DCC: variants seen among roughly 807,000 people sequenced by gnomAD.
DCC encodes netrin receptor DCC.
DCC carries 58 observed loss-of-function variants against 172.5 expected under a neutral mutation model. The observed-to-expected ratio is 0.34, with a 90% CI of 0.27 to 0.42. The LOEUF (loss-of-function observed/expected upper bound fraction) is 0.42. DCC is among the 10% of genes least tolerant of loss of function. The pLI is 1.00. For synonymous variants in DCC, 709 were observed against 644.5 expected, an observed-to-expected ratio of 1.10 and a Z score of -1.52; for missense variants, 1,740 against 1,791.0, an observed-to-expected ratio of 0.97 and a Z score of 0.51.
chr18:52,899,973 T>C (rs184123983), intron 2 of DCC, among the ~76,000 whole-genome samples: 1 of 152,338 alleles, frequency 6.6e-6, no homozygotes, highest in African/African-American at 2.4e-5. Flanking sequence ...GCTTACAGTA[T>C]AGAATAACAT....
In DCC at chr18:53,213,647, C is replaced by CAAAA. The variant is rs34284373; in HGVS notation, c.1862-1877_1862-1874dup. ...TGGGTGACAGAGCGAGACTCCGTCT[C>CAAAA]AAAAAAAAAAAAAAAAAAAAAAAAA... On this transcript the variant is annotated intron_variant, in intron 11 of 28. Transcript: ENST00000442544. 1.1e-3 allele frequency among the ~76,000 whole-genome samples: 38 copies of CAAAA among 35,366 alleles called. 6 individuals carry two copies. Among genetic ancestry groups the CAAAA allele is most frequent in the African/African-American group, 1.7e-3 (29 of 16,662 alleles). The allele number at this position is 35,366 out of a possible 152,430, so 23.2% of individuals were successfully genotyped here.
intron 9 of DCC, among the ~76,000 whole-genome samples, chr18:53,196,721 A>G (rs1193212595): frequency 1.3e-5 from 2 of 152,108 alleles, no homozygotes; most frequent in African/African-American, 2.4e-5. Flanking sequence ...CATCCGTTCT[A>G]TATATATTTA....
intron 3 of DCC, among the ~76,000 whole-genome samples, chr18:52,921,255 G>C (rs1313475040): frequency 6.6e-6 from 1 of 152,172 alleles, no homozygotes; most frequent in African/African-American, 2.4e-5. Context: ...TGTAATAGGA[G>C]AAACTGCATT....
intron 1 of DCC, among the ~76,000 whole-genome samples, chr18:52,511,280 CAAAAAAAAA>C (rs5824941): frequency 1.8e-5 from 2 of 110,078 alleles, no homozygotes; most frequent in Non-Finnish European, 1.8e-5. Context: ...GACTCTGTCT[CAAAAAAAAA>C]AAAAAAAAAG....
At chr18:53,121,567 A>G (rs561063157) in intron 7 of DCC, among the ~76,000 whole-genome samples, 145 of 152,002 alleles carry the variant, frequency 9.5e-4, no homozygotes, top group Middle Eastern at 6.8e-3. Flanking sequence ...TCTGTTCCCC[A>G]GGATTATTTA....
At chr18:53,211,732 A>G (rs1418776802) in intron 11 of DCC, among the ~76,000 whole-genome samples, 1 of 152,014 alleles carries the variant, frequency 6.6e-6, no homozygotes, top group South Asian at 2.1e-4. Context: ...TCAAAAATAA[A>G]ATAAAATAAA....
intron 12 of DCC, among the ~76,000 whole-genome samples, chr18:53,263,217 T>C (rs2056626663): frequency 6.6e-6 from 1 of 152,190 alleles, no homozygotes. Context: ...AGTGGTGTGA[T>C]CTCAGCTCAC....
intron 7 of DCC, among the ~76,000 whole-genome samples, chr18:53,081,042 A>C (rs1409028749): frequency 1.3e-5 from 2 of 152,118 alleles, no homozygotes; most frequent in African/African-American, 4.8e-5. Context: ...ACTGAGCACT[A>C]TCGCTGCCAG....
At position 52,592,905 on chromosome 18, in the gene DCC, G is replaced by A. The variant is rs185982488; in HGVS notation, c.92-159149G>A. On this transcript the variant is annotated intron_variant, in intron 1 of 28. Coordinates refer to ENST00000442544, the MANE Select transcript of DCC (RefSeq NM_005215.4). Reference sequence around the variant, plus strand: ...AGTGATCCTCCCAACTTGGCCTCCCGAAGTGCTAGGATTACAGGCATGAGC... The same window carrying A: ...AGTGATCCTCCCAACTTGGCCTCCCAAAGTGCTAGGATTACAGGCATGAGC... Among the ~76,000 whole-genome samples, 7 of 152,100 alleles carry A rather than the reference G, an allele frequency of 4.6e-5. No homozygotes were observed. The East Asian group carries it at 9.7e-4, about 21-fold the overall frequency.
intron 2 of DCC, among the ~76,000 whole-genome samples, chr18:52,904,345 T>C (rs2039850387): frequency 1.3e-5 from 2 of 152,228 alleles, no homozygotes; most frequent in African/African-American, 4.8e-5. Flanking sequence ...TCTAATTTTA[T>C]ATTTCATAGA....
intron 1 of DCC, among the ~76,000 whole-genome samples, chr18:52,346,047 A>G (rs1211514949): frequency 6.6e-6 from 1 of 152,204 alleles, no homozygotes. Context: ...AACATTTCTT[A>G]ATAATATCAT....
intron 1 of DCC, among the ~76,000 whole-genome samples, chr18:52,578,473 T>G (rs945996444): frequency 6.6e-5 from 10 of 152,226 alleles, no homozygotes; most frequent in Non-Finnish European, 1.3e-4. Flanking sequence ...GTGTTGTTTT[T>G]AATTCGAAGT....
intron 24 of DCC, 21 bp downstream of exon 24, chr18:53,459,479 A>G: frequency 6.8e-7 from 1 of 1,470,044 alleles, no homozygotes; most frequent in Non-Finnish European, 9.5e-7. Context: ...TTTCACTGGC[A>G]TTAGGGAAAA....
At chr18:52,821,805 G>C (rs778128994) in intron 2 of DCC, among the ~76,000 whole-genome samples, 7 of 152,160 alleles carry the variant, frequency 4.6e-5, no homozygotes, top group Non-Finnish European at 8.8e-5. Flanking sequence ...CCTTGGTCTT[G>C]TATCTTGTTT....
chr18:53,184,075 T>C (rs2055241948), intron 9 of DCC, among the ~76,000 whole-genome samples: 2 of 151,804 alleles, frequency 1.3e-5, no homozygotes, highest in South Asian at 4.1e-4. Context: ...GCTCTACATT[T>C]ACAAACAAAG....
At chr18:52,802,320 C>G (rs2038005005) in intron 2 of DCC, among the ~76,000 whole-genome samples, 1 of 151,900 alleles carries the variant, frequency 6.6e-6, no homozygotes, top group East Asian at 1.9e-4. Context: ...GTTTTGGAAT[C>G]AAGATTAGGC....
chr18:53,426,436 T>TTTACA (rs571752062), intron 21 of DCC, among the ~76,000 whole-genome samples: 2 of 51,210 alleles, frequency 3.9e-5, no homozygotes, highest in Admixed American at 1.8e-4. Flanking sequence ...TATATTTATA[T>TTTACA]TATTTATATA....
intron 12 of DCC, among the ~76,000 whole-genome samples, chr18:53,257,027 G>A (rs2056526304): frequency 1.3e-5 from 2 of 152,158 alleles, no homozygotes; most frequent in African/African-American, 4.8e-5. Flanking sequence ...TGTTATTGGT[G>A]TATAAGAATG....
chr18:53,151,842 CATTTT>C (rs886863316), intron 7 of DCC, among the ~76,000 whole-genome samples: 1 of 149,550 alleles, frequency 6.7e-6, no homozygotes, highest in Admixed American at 6.7e-5. Flanking sequence ...AATATTATTT[CATTTT>C]AAGTTTTAAT....
Sources: allele counts gnomAD v4.1 joint callset (sites outside exome capture counted in the v4.1 genomes callset), GRCh38; gene constraint gnomAD v4.1.1; transcripts MANE v1.5; gene names NCBI Gene and HGNC (gene_info 2026-07-23, HGNC 2026-07-21).